The following KLF13 variants were observed in gnomAD, a reference collection of about 807,000 sequenced individuals.
The protein encoded by KLF13 is KLF transcription factor 13.
A neutral mutation model predicts 16.7 loss-of-function variants in KLF13; 8 were observed. The ratio of observed to expected loss-of-function variants is 0.48; its 90% confidence interval spans 0.28 to 0.87. KLF13 has a LOEUF of 0.87. KLF13 is among the 40% of genes least tolerant of loss of function. KLF13 has a pLI of 0.10. For synonymous variants in KLF13, 245 were observed against 208.4 expected, an observed-to-expected ratio of 1.18 and a Z score of -1.51; for missense variants, 447 against 452.2, an observed-to-expected ratio of 0.99 and a Z score of 0.10.
At chr15:31,342,029 C>T (rs1049129692) in intron 1 of KLF13, among the ~76,000 whole-genome samples, 5 of 152,130 alleles carry the variant, frequency 3.3e-5, no homozygotes, top group African/African-American at 9.7e-5. Context: ...GGTAACCAAC[C>T]CCTCTCAGGT....
intron 1 of KLF13, among the ~76,000 whole-genome samples, chr15:31,351,187 T>C (rs2039209780): frequency 6.6e-6 from 1 of 152,236 alleles, no homozygotes; most frequent in Non-Finnish European, 1.5e-5. Flanking sequence ...GTTCCTGTTG[T>C]AAGAAGTTGC....
At chr15:31,334,679 C>T (rs576195776) in intron 1 of KLF13, among the ~76,000 whole-genome samples, 5 of 152,312 alleles carry the variant, frequency 3.3e-5, no homozygotes, top group East Asian at 1.9e-4. Context: ...CTGCCCACCT[C>T]GGCCTCCCAA....
At chr15:31,352,568 C>T (rs556674791) in intron 1 of KLF13, among the ~76,000 whole-genome samples, 69 of 152,272 alleles carry the variant, frequency 4.5e-4, no homozygotes, top group African/African-American at 1.6e-3. Context: ...TGGCTCCTGG[C>T]CCTGTGCTGG....
At chr15:31,342,027 A>G (rs1399658625) in intron 1 of KLF13, among the ~76,000 whole-genome samples, 3 of 152,110 alleles carry the variant, frequency 2.0e-5, no homozygotes, top group Non-Finnish European at 2.9e-5. Context: ...CAGGTAACCA[A>G]CCCCTCTCAG....
intron 1 of KLF13, among the ~76,000 whole-genome samples, chr15:31,333,264 C>G (rs986196923): frequency 2.6e-5 from 4 of 152,170 alleles, no homozygotes; most frequent in Admixed American, 6.5e-5. Flanking sequence ...CAAGGTCACA[C>G]AGTAAGTGAG....
At chr15:31,349,332 G>T (rs1388032530) in intron 1 of KLF13, among the ~76,000 whole-genome samples, 2 of 152,244 alleles carry the variant, frequency 1.3e-5, no homozygotes, top group Non-Finnish European at 2.9e-5. Context: ...CACCTGTGCA[G>T]ATTATGACAT....
chr15:31,327,221 C>T lies in KLF13; in HGVS notation c.9C>T (p.Ala3=), dbSNP rs772130220. 3.6e-5 allele frequency: 49 copies of T among 1,363,530 alleles called. 2 individuals carry two copies. Among genetic ancestry groups the T allele is most frequent in the South Asian group, 2.9e-4 (19 of 64,598 alleles). The allele number at this position is 1,363,530 out of a possible 1,614,324, so 84.5% of individuals were successfully genotyped here. MA[A]AAYVDHFAAE... is the part of the protein sequence containing the mutation. ...CGGCCCCAGCCCGCAGCATGGCAGC[C>T]GCCGCCTATGTGGACCACTTCGCCG... Residue 3 remains alanine, a synonymous_variant, in exon 1 of 2, where the codon GCC becomes GCT. Transcript: ENST00000307145.
chr15:31,368,714 C>G (rs1030363640), intron 1 of KLF13, among the ~76,000 whole-genome samples: 7 of 151,988 alleles, frequency 4.6e-5, no homozygotes, highest in Non-Finnish European at 1.0e-4. Flanking sequence ...ACTAGCCGAG[C>G]GTGGGTAGGC....
chr15:31,401,673 C>A (rs2040038882), intron 2 of KLF13, among the ~76,000 whole-genome samples: 1 of 152,186 alleles, frequency 6.6e-6, no homozygotes, highest in Admixed American at 6.5e-5. Context: ...CTATATTGTG[C>A]CCATTTTACA....
chr15:31,340,634 C>T (rs974171944), intron 1 of KLF13, among the ~76,000 whole-genome samples: 3 of 152,202 alleles, frequency 2.0e-5, no homozygotes, highest in Admixed American at 2.0e-4. Context: ...TAGCTCATGC[C>T]TGTAATCCCA....
chr15:31,335,723 G>T (rs924192374), intron 1 of KLF13, among the ~76,000 whole-genome samples: 1 of 152,158 alleles, frequency 6.6e-6, no homozygotes, highest in Non-Finnish European at 1.5e-5. Context: ...CTTGTTTGGG[G>T]AAGCACTGAA....
chr15:31,401,006 CA>C (rs1398955473), intron 2 of KLF13, among the ~76,000 whole-genome samples: 1 of 142,312 alleles, frequency 7.0e-6, no homozygotes, highest in African/African-American at 2.5e-5. Context: ...GATAAATAAA[CA>C]ATTTTTTTTT....
chr15:31,347,414 C>G (rs149560028), intron 1 of KLF13, among the ~76,000 whole-genome samples: 1 of 152,134 alleles, frequency 6.6e-6, no homozygotes, highest in African/African-American at 2.4e-5. Flanking sequence ...CAGGCTTTGC[C>G]GCACGTGGGT....
At chr15:31,411,235 A>C (rs566613403) in intron 1 of KLF13, among the ~76,000 whole-genome samples, 2 of 152,206 alleles carry the variant, frequency 1.3e-5, no homozygotes, top group Non-Finnish European at 2.9e-5. Flanking sequence ...ATAAATTAAC[A>C]TATTGAATCC....
intron 1 of KLF13, 135 bp downstream of exon 1, chr15:31,327,924 C>T (rs1279663789): frequency 6.8e-6 from 7 of 1,023,454 alleles, no homozygotes; most frequent in East Asian, 1.2e-4. Flanking sequence ...TCGCCCCTTC[C>T]CCTGCCGCTC....
chr15:31,366,480 G>C (rs1019629230), intron 1 of KLF13: 2 of 152,332 alleles, frequency 1.3e-5, no homozygotes, highest in African/African-American at 4.8e-5. Context: ...GGAAGGCTAG[G>C]AGCTCCTCTG....
intron 1 of KLF13, among the ~76,000 whole-genome samples, chr15:31,369,992 C>T (rs1446945452): frequency 6.6e-6 from 1 of 151,776 alleles, no homozygotes; most frequent in African/African-American, 2.4e-5. Context: ...AACTCATTTA[C>T]CTGGTCCACC....
At chr15:31,341,154 G>C (rs925223202) in intron 1 of KLF13, among the ~76,000 whole-genome samples, 37 of 152,222 alleles carry the variant, frequency 2.4e-4, no homozygotes, top group Admixed American at 5.2e-4. Flanking sequence ...AGGCCTTCTT[G>C]TCTGTTGGTT....
At chr15:31,402,399 C>G (rs2040050579) in intron 2 of KLF13, among the ~76,000 whole-genome samples, 1 of 152,176 alleles carries the variant, frequency 6.6e-6, no homozygotes, top group South Asian at 2.1e-4. Context: ...CCTCAGATGC[C>G]GTGGAGATGA....
Sources: gnomAD v4.1 joint callset for allele counts (sites outside exome capture counted in the v4.1 genomes callset) on GRCh38, gnomAD v4.1.1 for gene constraint, MANE v1.5 for transcripts, NCBI Gene and HGNC (gene_info 2026-07-23, HGNC 2026-07-21) for gene names.